The following SERPINF2 variants were observed in gnomAD, a reference collection of about 807,000 sequenced individuals.
The protein encoded by SERPINF2 is alpha-2-antiplasmin.
In SERPINF2, 15 loss-of-function variants were observed where a neutral mutation model predicts 45.0. The observed-to-expected ratio is 0.33, with a 90% CI of 0.22 to 0.51. The LOEUF is 0.51. Ranked by LOEUF, SERPINF2 falls within the 20% of genes least tolerant of loss-of-function variation. The pLI is 0.97. For missense variants in SERPINF2, 518 were observed against 637.4 expected, an observed-to-expected ratio of 0.81 and a Z score of 2.02; for synonymous variants, 283 against 277.9, an observed-to-expected ratio of 1.02 and a Z score of -0.18.
intron 5 of SERPINF2, 99 bp downstream of exon 5, chr17:1,746,008 C>A (rs551031040): frequency 1.5e-6 from 2 of 1,312,824 alleles, no homozygotes; most frequent in Non-Finnish European, 2.2e-6. Context: ...ACCAGGGTCA[C>A]GTGGCTGTTT....
intron 9 of SERPINF2, 24 bp downstream of exon 9, chr17:1,752,814 C>G: frequency 6.3e-7 from 1 of 1,578,812 alleles, no homozygotes; most frequent in Non-Finnish European, 8.6e-7. Flanking sequence ...TGCGGGCGAG[C>G]CCCCGAGGTC....
intron 1 of SERPINF2, 162 bp from the exon 2 acceptor site, chr17:1,744,830 G>A (rs575806822): frequency 2.0e-4 from 201 of 985,364 alleles, no homozygotes; most frequent in Non-Finnish European, 2.4e-4. Flanking sequence ...AGGAGTGGGA[G>A]CCGCTGCTCG....
rs1194015529 is a variant in SERPINF2, at chr17:1,745,924, C to T, written c.367+15C>T. The T allele has an allele frequency of 6.2e-7, 1 of 1,610,648 alleles. No individual in the cohort carries two copies. Among genetic ancestry groups the T allele is most frequent in the South Asian group, 1.1e-5 (1 of 90,720 alleles). ...CCTGGCACTAGGTACCCTGGCACCA[C>T]TTGTCCAGACCAAGAGAGCTGGGAG... On this transcript the variant is annotated intron_variant, in intron 5 of 9. Transcript: ENST00000453066. This position sits in a 1 kb window ranked among gnomAD's most constrained non-coding sequence, Gnocchi z 6.2.
intron 1 of SERPINF2, among the ~76,000 whole-genome samples, chr17:1,743,711 A>G (rs1905516524): frequency 8.0e-6 from 1 of 124,950 alleles, no homozygotes; most frequent in African/African-American, 3.6e-5. Flanking sequence ...ATGAAACTCC[A>G]TCTCAAAAAA....
At chr17:1,752,157 T>C (rs1567743451) in intron 8 of SERPINF2, among the ~76,000 whole-genome samples, 1 of 151,398 alleles carries the variant, frequency 6.6e-6, no homozygotes, top group Non-Finnish European at 1.5e-5. Context: ...GTTCAAGCAA[T>C]TCTCCTGCCT....
chr17:1,743,089 G>A, intron 1 of SERPINF2, 181 bp downstream of exon 1: 1 of 985,312 alleles, frequency 1.0e-6, no homozygotes, highest in Non-Finnish European at 1.2e-6. Context: ...CGGAGTCGGG[G>A]CCCTGGCCAA....
At chr17:1,749,966 T>C (rs1323715920) in intron 8 of SERPINF2, among the ~76,000 whole-genome samples, 1 of 148,786 alleles carries the variant, frequency 6.7e-6, no homozygotes, top group Non-Finnish European at 1.5e-5. Flanking sequence ...ACATTCTGAT[T>C]GGATAAACTT....
intron 8 of SERPINF2, among the ~76,000 whole-genome samples, chr17:1,750,579 C>T (rs1175284808): frequency 1.3e-5 from 2 of 152,148 alleles, no homozygotes; most frequent in East Asian, 1.9e-4. Flanking sequence ...GGAGCCACTG[C>T]GCCCAGCTCT....
intron 8 of SERPINF2, among the ~76,000 whole-genome samples, chr17:1,752,227 T>C (rs1219543779): frequency 2.0e-5 from 3 of 152,136 alleles, no homozygotes; most frequent in Admixed American, 2.0e-4. Flanking sequence ...AGCTCATTTT[T>C]GTATTTTTAG....
In SERPINF2 at chr17:1,754,468, C is replaced by A; in HGVS notation, c.1410C>A (p.Phe470Leu). 1 of 1,607,746 alleles carries A rather than the reference C, an allele frequency of 6.2e-7. No homozygotes were observed. The highest frequency in any genetic ancestry group is 8.5e-7 in the Non-Finnish European group (1 of 1,176,804). Residue 470 changes from phenylalanine (F) to leucine (L), a missense_variant, in exon 10 of 10, where the codon TTC becomes TTA. Phe to Leu is a conservative substitution (Grantham distance 22). This residue lies in a region of SERPINF2 where 83 missense variants were observed against 60.0 expected (regional missense o/e 1.38). Coordinates refer to ENST00000453066, the MANE Select transcript of SERPINF2 (RefSeq NM_000934.4). ...GCTTCCCCCGCGGAGACAAGCTTTT[C>A]GGCCCTGACTTAAAACTTGTGCCCC... ...LKGFPRGDKL[F>L]GPDLKLVPPM...
In SERPINF2 at chr17:1,754,962, C is replaced by A. The variant is rs1019405128; in HGVS notation, c.*428C>A. ...GGGGAGAGACGGGCCCTGGTGGTGG[C>A]TCGGGAGGCGAAGCGTTGTCCTCAG... is the stretch of plus-strand genomic sequence containing the variant. On this transcript the variant is annotated 3_prime_UTR_variant, in exon 10 of 10. Transcript: ENST00000453066. 5 of 225,850 alleles carry A rather than the reference C, an allele frequency of 2.2e-5. No homozygotes were observed. The highest frequency in any genetic ancestry group is 3.5e-5 in the Non-Finnish European group (4 of 115,228). The allele number at this position is 225,850 out of a possible 1,614,324, so 14.0% of individuals were successfully genotyped here.
rs1231909622 is a variant in SERPINF2, at chr17:1,745,456, A to G, written c.165+61A>G. 65 of 141,948 alleles carry G rather than the reference A, an allele frequency of 4.6e-4. No individual in the cohort carries two copies. Among genetic ancestry groups the G allele is most frequent in the Non-Finnish European group, 6.9e-4 (54 of 77,758 alleles). 8.8% of individuals were successfully genotyped at this position (141,948 alleles called of 1,614,324 possible). On this transcript the variant is annotated intron_variant, in intron 4 of 9. Coordinates refer to ENST00000453066, the MANE Select transcript of SERPINF2 (RefSeq NM_000934.4). The surrounding 1 kb of genome is among the most constrained non-coding windows in gnomAD (Gnocchi z 6.2). ...GCTAGAGGGAGGAGGGCCCATCGGC[A>G]GGGGTCGGGGGGTGGGGGCGCGTGC...
intron 1 of SERPINF2, among the ~76,000 whole-genome samples, chr17:1,744,186 G>T (rs989433590): frequency 6.7e-6 from 1 of 149,692 alleles, no homozygotes; most frequent in African/African-American, 2.4e-5. Context: ...TTGAGCCACC[G>T]TGCCTGGCCA....
At chr17:1,748,026 G>A (rs902631849) in intron 7 of SERPINF2, among the ~76,000 whole-genome samples, 2 of 150,090 alleles carry the variant, frequency 1.3e-5, no homozygotes, top group African/African-American at 2.4e-5. Flanking sequence ...GGGGCTGGGC[G>A]CGGTGGCTCA....
Position 1,751,763 on chromosome 17 carries a change from G to GA in SERPINF2, c.859-814dup, listed in dbSNP as rs1369185320. Among the ~76,000 whole-genome samples the GA allele has an allele frequency of 7.7e-5, 7 of 90,372 alleles. 1 individual carries two copies. Among genetic ancestry groups the GA allele is most frequent in the East Asian group, 4.7e-4 (1 of 2,148 alleles). The allele number at this position is 90,372 out of a possible 152,430, so 59.3% of individuals were successfully genotyped here. A position where few individuals can be genotyped will look rare whatever the true frequency, so the allele number is the denominator to read the frequency against. On this transcript the variant is annotated intron_variant, in intron 8 of 9. Coordinates refer to ENST00000453066, the MANE Select transcript of SERPINF2 (RefSeq NM_000934.4). ...TGCGAGACTCCAACTCAAAAGAAAA[G>GA]AAAAAAAAAGAAATCTTAAGCCAAA... is the stretch of plus-strand genomic sequence containing the variant.
In SERPINF2 at chr17:1,754,740, C is replaced by T. The variant is rs1055757603; in HGVS notation, c.*206C>T. ...GGCATCGGGGAGCCGGGAGCCTGACCCTCATCTTTCTTCCAAACAGGCTCA... is the reference window on the plus strand; with the variant it reads ...GGCATCGGGGAGCCGGGAGCCTGACTCTCATCTTTCTTCCAAACAGGCTCA... On this transcript the variant is annotated 3_prime_UTR_variant, in exon 10 of 10. Coordinates refer to ENST00000453066, the MANE Select transcript of SERPINF2 (RefSeq NM_000934.4). 2.2e-5 allele frequency: 14 copies of T among 635,516 alleles called. No homozygotes were observed. In the African/African-American group the frequency reaches 2.4e-4, roughly 11 times the overall value. The allele number at this position is 635,516 out of a possible 1,614,324, so 39.4% of individuals were successfully genotyped here.
intron 8 of SERPINF2, among the ~76,000 whole-genome samples, chr17:1,749,516 T>G (rs936539529): frequency 2.0e-5 from 3 of 152,218 alleles, no homozygotes; most frequent in African/African-American, 7.2e-5. Context: ...GAGAATCACT[T>G]GAACCCGGGA....
Position 1,745,579 on chromosome 17 carries a change from G to A in SERPINF2, c.166-129G>A. On this transcript the variant is annotated intron_variant, in intron 4 of 9. Transcript: ENST00000453066. This position sits in a 1 kb window ranked among gnomAD's most constrained non-coding sequence, Gnocchi z 6.2. ...CCCAGAATGCCAGTGCCCTCCGTCT[G>A]ACGCTCCCTCTTCCCTGGGGCTGGG... is the stretch of plus-strand genomic sequence containing the variant. 1 of 1,196,370 alleles carries A rather than the reference G, an allele frequency of 8.4e-7. No individual in the cohort carries two copies. Among genetic ancestry groups the A allele is most frequent in the Non-Finnish European group, 1.2e-6 (1 of 832,920 alleles). 74.1% of individuals were successfully genotyped at this position (1,196,370 alleles called of 1,614,324 possible). A position where few individuals can be genotyped will look rare whatever the true frequency, so the allele number is the denominator to read the frequency against.
chr17:1,750,391 C>T (rs1376402505), intron 8 of SERPINF2, among the ~76,000 whole-genome samples: 2 of 152,090 alleles, frequency 1.3e-5, no homozygotes, highest in Non-Finnish European at 2.9e-5. Flanking sequence ...TCGTGATCCG[C>T]CTGCCTCAGC....
Sources: gnomAD v4.1 joint callset for allele counts (sites outside exome capture counted in the v4.1 genomes callset) on GRCh38, gnomAD v4.1.1 for gene constraint, gnomAD v4.1.1 regional missense constraint, Gnocchi (gnomAD v3.1) non-coding constraint, MANE v1.5 for transcripts, NCBI Gene and HGNC (gene_info 2026-07-23, HGNC 2026-07-21) for gene names.